ANXA11: variants seen among roughly 807,000 people sequenced by gnomAD.
The protein encoded by ANXA11 is 56 kDa autoantigen.
A neutral mutation model predicts 64.7 loss-of-function variants in ANXA11; 57 were observed. That is an observed-to-expected ratio of 0.88 (90% CI 0.71 to 1.10). ANXA11 has a LOEUF of 1.10. Ranked by LOEUF, ANXA11 falls within the 50% of genes least tolerant of loss-of-function variation. The pLI is 0.00. For missense variants in ANXA11, 675 were observed against 670.7 expected (o/e 1.01, Z -0.07); for synonymous variants, 260 against 265.2 (o/e 0.98, Z 0.19).
At chr10:80,184,890 T>G (rs1433404957) in intron 1 of ANXA11, among the ~76,000 whole-genome samples, 1 of 152,188 alleles carries the variant, frequency 6.6e-6, no homozygotes, top group East Asian at 1.9e-4. Context: ...TGGCTGAATG[T>G]GCACCTCATA....
chr10:80,170,545 G>T (rs1363759152), intron 4 of ANXA11, among the ~76,000 whole-genome samples: 1 of 152,120 alleles, frequency 6.6e-6, no homozygotes, highest in Non-Finnish European at 1.5e-5. Flanking sequence ...AACCCCTCAG[G>T]GCTGAAAGGG....
intron 4 of ANXA11, 35 bp from the exon 5 acceptor site, chr10:80,169,393 G>A (rs1845887098): frequency 6.3e-7 from 1 of 1,598,286 alleles, no homozygotes; most frequent in African/African-American, 1.3e-5. Context: ...GAGGCCAATG[G>A]GCCCTGCTGC....
intron 13 of ANXA11, 114 bp downstream of exon 13, chr10:80,158,986 G>A: frequency 1.3e-6 from 1 of 780,724 alleles, no homozygotes. Context: ...AGCGATCTTG[G>A]ATCCTGTGGT....
In ANXA11 at chr10:80,163,396, C is replaced by T. The variant is rs778141735; in HGVS notation, c.1039G>A (p.Asp347Asn). ...LLISLSQGNR[D>N]ESTNVDMSLA... ...GACATGTCCACGTTTGTGCTTTCAT[C>T]ACGGTTTCCCTGAAAGGAAGCAGGT... Residue 347 changes from aspartate (D) to asparagine (N), a missense_variant, in exon 11 of 16, where the codon GAT (aspartate) becomes AAT (asparagine). Physicochemically the swap from Asp to Asn is conservative, Grantham distance 23. Transcript: ENST00000422982. 1 of 1,614,032 alleles carries T rather than the reference C, an allele frequency of 6.2e-7. No individual in the cohort carries two copies. Among genetic ancestry groups the T allele is most frequent in the Non-Finnish European group, 8.5e-7 (1 of 1,180,048 alleles).
At chr10:80,172,153 G>A (rs1448171174) in intron 3 of ANXA11, among the ~76,000 whole-genome samples, 4 of 152,154 alleles carry the variant, frequency 2.6e-5, no homozygotes, top group South Asian at 2.1e-4. Context: ...TTGGTCTCAT[G>A]AGCCCTCATA....
intron 7 of ANXA11, 51 bp downstream of exon 7, chr10:80,166,839 G>A: frequency 7.2e-7 from 1 of 1,389,768 alleles, no homozygotes. Context: ...GCAGGGCTGT[G>A]CTGAGCCCAG....
chr10:80,188,737 G>A (rs377113950), intron 1 of ANXA11, among the ~76,000 whole-genome samples: 10 of 152,034 alleles, frequency 6.6e-5, no homozygotes, highest in Middle Eastern at 3.2e-3. Flanking sequence ...ACAGGAACGC[G>A]CTTTGTAAAG....
intron 1 of ANXA11, among the ~76,000 whole-genome samples, chr10:80,190,718 C>G (rs1846737331): frequency 6.7e-6 from 1 of 150,362 alleles, no homozygotes; most frequent in African/African-American, 2.4e-5. Flanking sequence ...ATCTCCTGAC[C>G]TCGTGATCCG....
At chr10:80,184,579 G>C (rs1776152236) in intron 1 of ANXA11, among the ~76,000 whole-genome samples, 1 of 151,602 alleles carries the variant, frequency 6.6e-6, no homozygotes, top group Admixed American at 6.6e-5. Flanking sequence ...TAATACGAGA[G>C]AGAGAGACAG....
chr10:80,173,040 C>T, intron 2 of ANXA11, 171 bp from the exon 3 acceptor site: 1 of 592,488 alleles, frequency 1.7e-6, no homozygotes, highest in South Asian at 2.0e-5. Flanking sequence ...CTGGTGCCTC[C>T]AGCTAGAAAC....
intron 7 of ANXA11, 95 bp from the exon 8 acceptor site, chr10:80,166,292 T>G (rs1305131830): frequency 1.3e-5 from 9 of 711,886 alleles, no homozygotes; most frequent in African/African-American, 5.4e-5. Flanking sequence ...TATCCCAGAT[T>G]TGAGGAACAG....
intron 1 of ANXA11, among the ~76,000 whole-genome samples, chr10:80,179,338 T>C (rs1054184457): frequency 6.6e-6 from 1 of 152,110 alleles, no homozygotes; most frequent in African/African-American, 2.4e-5. Context: ...TGCTGGTACC[T>C]TGGCTCCCAT....
chr10:80,194,364 T>C (rs182721034), intron 1 of ANXA11, among the ~76,000 whole-genome samples: 11 of 152,256 alleles, frequency 7.2e-5, no homozygotes, highest in Middle Eastern at 3.4e-3. Context: ...CCTGGGTTTA[T>C]GGAGGCACCA....
chr10:80,175,508 G>T (rs185487710), intron 2 of ANXA11, among the ~76,000 whole-genome samples: 115 of 151,872 alleles, frequency 7.6e-4, no homozygotes, highest in Admixed American at 2.0e-3. Flanking sequence ...GTAAATTCCA[G>T]CCAGGCCAAA....
At position 80,167,212 on chromosome 10, in the gene ANXA11, C is replaced by T; in HGVS notation, c.649+14G>A. On this transcript the variant is annotated intron_variant, in intron 6 of 15. Transcript: ENST00000422982. ...GGGCAGGGAGTAGGATTTGAGCCAC[C>T]CAGGGTCTCTTACCGAAGCCTTTCA... 1 of 1,613,246 alleles carries T rather than the reference C, an allele frequency of 6.2e-7. No individual in the cohort carries two copies.
At chr10:80,157,174 C>T (rs1589412135) in intron 15 of ANXA11, 1 of 979,994 alleles carries the variant, frequency 1.0e-6, no homozygotes, top group Non-Finnish European at 1.2e-6. Flanking sequence ...CAAGGTCACA[C>T]AGTTAGCAAG....
At chr10:80,163,458 C>T in intron 10 of ANXA11, 53 bp from the exon 11 acceptor site, 2 of 1,613,148 alleles carry the variant, frequency 1.2e-6, no homozygotes, top group Admixed American at 3.3e-5. Flanking sequence ...TTTATTTTCC[C>T]TTTCCTCATT....
chr10:80,159,449 C>T (rs1845420204), intron 12 of ANXA11, among the ~76,000 whole-genome samples: 2 of 152,206 alleles, frequency 1.3e-5, no homozygotes, highest in Non-Finnish European at 2.9e-5. Context: ...ACCATGTGAG[C>T]ACAGTGATTG....
At chr10:80,168,304 C>G (rs551233021) in intron 5 of ANXA11, among the ~76,000 whole-genome samples, 1 of 152,094 alleles carries the variant, frequency 6.6e-6, no homozygotes, top group Non-Finnish European at 1.5e-5. Context: ...CTGTTGAGCA[C>G]AAAGCCTTGA....
Sources: gnomAD v4.1 joint callset for allele counts (sites outside exome capture counted in the v4.1 genomes callset) on GRCh38, gnomAD v4.1.1 for gene constraint, MANE v1.5 for transcripts, NCBI Gene and HGNC (gene_info 2026-07-23, HGNC 2026-07-21) for gene names.